The following PLCB3 variants were observed in gnomAD, a reference collection of about 807,000 sequenced individuals.
The protein encoded by PLCB3 is 1-phosphatidylinositol 4,5-bisphosphate phosphodiesterase beta-3.
Under a neutral mutation model 152.1 loss-of-function variants are expected in PLCB3, and 54 were observed. That is an observed-to-expected ratio of 0.36 (90% CI 0.29 to 0.45). PLCB3 has a LOEUF of 0.45. Ranked by LOEUF, PLCB3 falls within the 20% of genes least tolerant of loss-of-function variation. PLCB3 has a pLI of 1.00. For missense variants in PLCB3, 1,248 were observed against 1,687.5 expected (o/e 0.74, Z 4.56); for synonymous variants, 717 against 698.7 (o/e 1.03, Z -0.41).
chr11:64,260,200 AACAG>A lies in PLCB3; in HGVS notation c.1704_1707del (p.Asp569ProfsTer15). The A allele has an allele frequency of 2.5e-6, 4 of 1,582,976 alleles. No homozygotes were observed. The highest frequency in any genetic ancestry group is 3.4e-6 in the Non-Finnish European group (4 of 1,163,742). On this transcript the variant is annotated frameshift_variant, in exon 14 of 31. Transcript: ENST00000279230. LOFTEE classifies it high-confidence loss of function. ...GAGGAGGAAGATGAGGAAGAGGAGGAACAGACAGACCCCAAAAAGCCAACTACAG... is the reference window on the plus strand; with the variant it reads ...GAGGAGGAAGATGAGGAAGAGGAGGAACAGACCCCAAAAAGCCAACTACAG...
At chr11:64,268,711 C>G (rs150883841), downstream of PLCB3, 1 of 152,464 alleles carries the variant, frequency 6.6e-6, no homozygotes, top group East Asian at 1.9e-4. Context: ...GCAGCAGGGT[C>G]GGCTTGGCAC....
intron 16 of PLCB3, 60 bp downstream of exon 16, chr11:64,261,725 C>T (rs1301865640): frequency 5.9e-6 from 9 of 1,513,590 alleles, no homozygotes; most frequent in Middle Eastern, 1.8e-4. Flanking sequence ...AGGCCGGCTC[C>T]GGTGTTCTGT....
At chr11:64,268,114 C>T (rs1281366095), downstream of PLCB3, among the ~76,000 whole-genome samples, 1 of 152,156 alleles carries the variant, frequency 6.6e-6, no homozygotes, top group Non-Finnish European at 1.5e-5. Flanking sequence ...TGCCCCCAAG[C>T]CGCTGTTCCT....
intron 1 of PLCB3, 120 bp downstream of exon 1, chr11:64,251,868 G>C: frequency 2.0e-6 from 1 of 511,242 alleles, no homozygotes; most frequent in Non-Finnish European, 3.2e-6. Context: ...ATCCCAGTCT[G>C]GCGGCGCCCC....
At chr11:64,256,887 A>C (rs1465950877) in intron 10 of PLCB3, 123 bp downstream of exon 10, 1 of 1,122,224 alleles carries the variant, frequency 8.9e-7, no homozygotes, top group African/African-American at 1.5e-5. Flanking sequence ...CTGGGGATGC[A>C]GGCAGGGAAC....
In PLCB3 at chr11:64,266,084, G is replaced by T. The variant is rs760538605; in HGVS notation, c.3190-42G>T. 6 of 1,613,898 alleles carry T rather than the reference G, an allele frequency of 3.7e-6. No homozygotes were observed. Among genetic ancestry groups the T allele is most frequent in the Non-Finnish European group, 5.1e-6 (6 of 1,179,918 alleles). ...CAGGGAAAGCCTGCTGGATAGACCC[G>T]TCGTCAGCCCGGCATCACCTGTCAG... On this transcript the variant is annotated intron_variant, in intron 26 of 30. Transcript: ENST00000279230. The surrounding 1 kb of genome is among the most constrained non-coding windows in gnomAD (Gnocchi z 4.9).
In PLCB3 at chr11:64,265,416, G is replaced by C. The variant is rs2032069024; in HGVS notation, c.2949G>C (p.Arg983=). The C allele has an allele frequency of 1.9e-6, 3 of 1,612,130 alleles. No individual in the cohort carries two copies. Among genetic ancestry groups the C allele is most frequent in the Non-Finnish European group, 1.7e-6 (2 of 1,179,882 alleles). Residue 983 remains arginine, a synonymous_variant, in exon 25 of 31, where the codon CGG becomes CGC. Coordinates refer to ENST00000279230, the MANE Select transcript of PLCB3 (RefSeq NM_000932.5). ...GGGAGCTGCGCAAGAAGCATCAGCG[G>C]AAGGCAGTCACCCTCACCCGCCGCC... ...DLRELRKKHQ[R]KAVTLTRRLL...
rs1129384 is a variant in PLCB3 at position 64,264,102 on chromosome 11, G to A, written c.2642G>A (p.Gly881Glu). Residue 881 changes from glycine (G) to glutamate (E), a missense_variant, in exon 22 of 31, where the codon GGG becomes GAG. Gly to Glu is a moderately conservative substitution (Grantham distance 98). Around this residue, in one of 6 missense-constraint regions of PLCB3, gnomAD observed 477 missense variants for 489.6 expected, o/e 0.97. Coordinates refer to ENST00000279230, the MANE Select transcript of PLCB3 (RefSeq NM_000932.5). ...QRARQLAALI[G>E]ESEAQAGQET... ...GCCCGGCAGCTGGCCGCCCTCATTG[G>A]GGAGAGTGAGGTGAGCCGGGGCAGG... 5 of 1,535,636 alleles carry A rather than the reference G, an allele frequency of 3.3e-6. No homozygotes were observed. The Middle Eastern group carries it at 8.8e-4, about 270-fold the overall frequency.
Position 64,266,175 on chromosome 11 carries a change from T to A in PLCB3, c.3239T>A (p.Phe1080Tyr), listed in dbSNP as rs1284772797. ...GTCCTTGATGCAAACACAACTCAGT[T>A]CAAGAGGCTGAAAGAGATGAACGAG... ...EVVLDANTTQ[F>Y]KRLKEMNERE... is the part of the protein sequence containing the mutation. Residue 1080 changes from phenylalanine to tyrosine, a missense_variant, in exon 27 of 31, where the codon TTC becomes TAC. Phe to Tyr is a conservative substitution (Grantham distance 22, BLOSUM62 3). Coordinates refer to ENST00000279230, the MANE Select transcript of PLCB3 (RefSeq NM_000932.5). The surrounding 1 kb of genome is among the most constrained non-coding windows in gnomAD (Gnocchi z 4.9). The A allele has an allele frequency of 6.2e-7, 1 of 1,613,972 alleles. No homozygotes were observed. Among genetic ancestry groups the A allele is most frequent in the East Asian group, 2.2e-5 (1 of 44,870 alleles).
chr11:64,258,847 G>T lies in PLCB3; in HGVS notation c.1254-38G>T, dbSNP rs778415930. On this transcript the variant is annotated intron_variant, in intron 11 of 30. Coordinates refer to ENST00000279230, the MANE Select transcript of PLCB3 (RefSeq NM_000932.5). The surrounding 1 kb of genome is among the most constrained non-coding windows in gnomAD (Gnocchi z 7.2). ...TCCCGTAGACCTCAGCTTCCTCTCTGGGGGAGGGATCTCTGACCTCTGACC... is the reference window on the plus strand; with the variant it reads ...TCCCGTAGACCTCAGCTTCCTCTCTTGGGGAGGGATCTCTGACCTCTGACC... The T allele has an allele frequency of 3.1e-6, 5 of 1,611,028 alleles. No homozygotes were observed. Among genetic ancestry groups the T allele is most frequent in the Non-Finnish European group, 3.4e-6 (4 of 1,177,408 alleles).
intron 16 of PLCB3, 30 bp downstream of exon 16, chr11:64,261,695 G>A (rs761012174): frequency 7.5e-6 from 12 of 1,593,170 alleles, no homozygotes; most frequent in Non-Finnish European, 9.5e-6. Flanking sequence ...TGGGCGGGCA[G>A]GCCAGGGTGG....
rs1479308953 is a variant in PLCB3 at position 64,255,712 on chromosome 11, G to A, written c.598-9G>A. On this transcript the variant is annotated splice_polypyrimidine_tract_variant and intron_variant, in intron 7 of 30. Coordinates refer to ENST00000279230, the MANE Select transcript of PLCB3 (RefSeq NM_000932.5). This position sits in a 1 kb window ranked among gnomAD's most constrained non-coding sequence, Gnocchi z 6.8. ...CCTGGCTTCTCACCCCACACTCCTC[G>A]ACCTCCAGAGTGAGTCCATCCGGCC... is the stretch of plus-strand genomic sequence containing the variant. The A allele has an allele frequency of 1.2e-5, 20 of 1,612,814 alleles. No individual in the cohort carries two copies. The highest frequency in any genetic ancestry group is 2.2e-5 in the East Asian group (1 of 44,882).
intron 9 of PLCB3, 36 bp downstream of exon 9, chr11:64,256,578 T>G (rs1591103067): frequency 6.2e-7 from 1 of 1,613,254 alleles, no homozygotes; most frequent in Non-Finnish European, 8.5e-7. Context: ...TGGGGGCAGG[T>G]GGGACCCCAG....
Position 64,267,296 on chromosome 11 carries a change from G to T in PLCB3, c.3501+25G>T. On this transcript the variant is annotated intron_variant, in intron 30 of 30. Coordinates refer to ENST00000279230, the MANE Select transcript of PLCB3 (RefSeq NM_000932.5). The surrounding 1 kb of genome is among the most constrained non-coding windows in gnomAD (Gnocchi z 5.2). Reference sequence around the variant, plus strand: ...GGTGAGGCCATGGGCGAACAGGTGGGCAGACGGGGTGCAAGGCAGCCAGGC... The same window carrying T: ...GGTGAGGCCATGGGCGAACAGGTGGTCAGACGGGGTGCAAGGCAGCCAGGC... 6.4e-6 allele frequency: 10 copies of T among 1,550,772 alleles called. No homozygotes were observed. The highest frequency in any genetic ancestry group is 8.7e-6 in the Non-Finnish European group (10 of 1,146,802).
At chr11:64,268,736 T>C (rs2032268725), downstream of PLCB3, 1 of 152,330 alleles carries the variant, frequency 6.6e-6, no homozygotes. Context: ...TCAAGGCCTC[T>C]CCCAGCTTCC....
intron 13 of PLCB3, 99 bp downstream of exon 13, chr11:64,259,343 C>T: frequency 9.7e-7 from 1 of 1,032,096 alleles, no homozygotes; most frequent in East Asian, 2.6e-5. Context: ...AGCCCACCCT[C>T]CTGCCTCGCT....
intron 19 of PLCB3, 41 bp downstream of exon 19, chr11:64,262,849 C>T: frequency 1.3e-6 from 2 of 1,588,062 alleles, no homozygotes; most frequent in South Asian, 2.2e-5. Flanking sequence ...CAGGCAGATC[C>T]AGCCCAGACC....
chr11:64,254,759 A>G lies in PLCB3; in HGVS notation c.189A>G (p.Thr63=). ...YWTGPNMEVD[T]LDISSIRDTR... is the part of the protein sequence containing the mutation. ...CTGGTTCCCCCCAGGAGGTGGACAC[A>G]CTGGACATCAGTTCCATCAGGGACA... Residue 63 remains threonine, a synonymous_variant, in exon 3 of 31, where the codon ACA becomes ACG. Coordinates refer to ENST00000279230, the MANE Select transcript of PLCB3 (RefSeq NM_000932.5). 1 of 1,613,072 alleles carries G rather than the reference A, an allele frequency of 6.2e-7. No homozygotes were observed. The highest frequency in any genetic ancestry group is 8.5e-7 in the Non-Finnish European group (1 of 1,179,902).
intron 21 of PLCB3, 64 bp from the exon 22 acceptor site, chr11:64,263,957 G>C (rs2031983525): frequency 7.6e-7 from 1 of 1,311,950 alleles, no homozygotes; most frequent in Admixed American, 1.9e-5. Flanking sequence ...TGAGACCAGA[G>C]GTGGCGGGTG....
Sources: allele counts gnomAD v4.1 joint callset (sites outside exome capture counted in the v4.1 genomes callset), GRCh38; gene constraint gnomAD v4.1.1; regional missense constraint gnomAD v4.1.1; non-coding constraint Gnocchi (gnomAD v3.1); transcripts MANE v1.5; gene names NCBI Gene and HGNC (gene_info 2026-07-23, HGNC 2026-07-21).